The following DNM3 variants were observed in gnomAD, a reference collection of about 807,000 sequenced individuals.
DNM3 encodes dynamin 3.
A neutral mutation model predicts 101.6 loss-of-function variants in DNM3; 47 were observed. The observed-to-expected ratio is 0.46, with a 90% confidence interval of 0.37 to 0.59. DNM3 has a LOEUF of 0.59. DNM3 is among the 20% of genes least tolerant of loss of function. The pLI is 0.00. For synonymous variants in DNM3, 385 were observed against 387.9 expected (o/e 0.99, Z 0.09); for missense variants, 849 against 1,085.7 (o/e 0.78, Z 3.06).
At chr1:172,069,396 C>T (rs1172726666) in intron 11 of DNM3, among the ~76,000 whole-genome samples, 1 of 151,866 alleles carries the variant, frequency 6.6e-6, no homozygotes, top group African/African-American at 2.4e-5. Flanking sequence ...ATCCATACAA[C>T]CTATGATTGA....
At chr1:172,346,272 T>C (rs1318614788) in intron 17 of DNM3, among the ~76,000 whole-genome samples, 1 of 151,882 alleles carries the variant, frequency 6.6e-6, no homozygotes, top group Non-Finnish European at 1.5e-5. Flanking sequence ...AGTAACAGTA[T>C]AAGTAAAAAT....
intron 1 of DNM3, among the ~76,000 whole-genome samples, chr1:171,849,177 A>G (rs1444726390): frequency 1.3e-5 from 2 of 152,098 alleles, no homozygotes; most frequent in Non-Finnish European, 2.9e-5. Context: ...ATTTTTTTAG[A>G]TTTCTCAAAA....
At chr1:172,253,519 C>G in intron 14 of DNM3, 54 bp from the exon 15 acceptor site, 1 of 1,161,558 alleles carries the variant, frequency 8.6e-7, no homozygotes, top group Non-Finnish European at 1.2e-6. Flanking sequence ...CCTCTCCTCT[C>G]CTCTCCTCTC....
At position 172,163,579 on chromosome 1, in the gene DNM3, C is replaced by T. The variant is rs191120220; in HGVS notation, c.1659+32291C>T. ...GTCACCATGCTGTACAGTAGGTTTC[C>T]GGAACTTAGTTTGTTGTATTACTGA... On this transcript the variant is annotated intron_variant, in intron 14 of 20. Transcript: ENST00000627582. 5.8e-3 allele frequency among the ~76,000 whole-genome samples: 888 copies of T among 152,016 alleles called. 17 individuals carry two copies. Among genetic ancestry groups the T allele is most frequent in the African/African-American group, 0.02 (824 of 41,498 alleles).
chr1:172,061,632 G>A (rs2051216926), intron 10 of DNM3, among the ~76,000 whole-genome samples: 1 of 149,176 alleles, frequency 6.7e-6, no homozygotes, highest in South Asian at 2.1e-4. Flanking sequence ...CTCACTCATA[G>A]GTGGGAATTG....
At chr1:172,313,415 T>C (rs1394477112) in intron 16 of DNM3, among the ~76,000 whole-genome samples, 1 of 152,264 alleles carries the variant, frequency 6.6e-6, no homozygotes, top group South Asian at 2.1e-4. Context: ...TGATTTAATA[T>C]CTAAAGAACA....
chr1:172,108,769 C>T (rs1326455032), intron 13 of DNM3, among the ~76,000 whole-genome samples: 2 of 152,204 alleles, frequency 1.3e-5, no homozygotes, highest in Non-Finnish European at 2.9e-5. Context: ...AAGCTTTGCA[C>T]TGTACACTTG....
intron 12 of DNM3, among the ~76,000 whole-genome samples, chr1:172,087,843 C>T (rs1200277280): frequency 1.3e-5 from 2 of 152,156 alleles, no homozygotes; most frequent in South Asian, 2.1e-4. Context: ...TTCCAAGGCT[C>T]TCTATAATCT....
At chr1:172,179,788 AT>A (rs1247546194) in intron 14 of DNM3, among the ~76,000 whole-genome samples, 1 of 151,966 alleles carries the variant, frequency 6.6e-6, no homozygotes, top group African/African-American at 2.4e-5. Context: ...CATATCTCAC[AT>A]TTTAATCTTC....
At chr1:172,321,229 G>A (rs2065700327) in intron 16 of DNM3, among the ~76,000 whole-genome samples, 1 of 152,132 alleles carries the variant, frequency 6.6e-6, no homozygotes. Context: ...GAGAAGAAGA[G>A]GAATAGCCAC....
chr1:172,314,212 A>G (rs2065208965), intron 16 of DNM3, among the ~76,000 whole-genome samples: 1 of 152,240 alleles, frequency 6.6e-6, no homozygotes, highest in Non-Finnish European at 1.5e-5. Context: ...CCAAATGCCC[A>G]TCAACGATAG....
intron 11 of DNM3, among the ~76,000 whole-genome samples, chr1:172,076,197 A>G (rs2052632761): frequency 6.6e-6 from 1 of 152,200 alleles, no homozygotes; most frequent in African/African-American, 2.4e-5. Flanking sequence ...GTTGCTTATC[A>G]GCTTAAGGAG....
intron 17 of DNM3, chr1:172,378,285 C>G (rs1466755557): frequency 6.6e-6 from 1 of 152,076 alleles, no homozygotes; most frequent in Non-Finnish European, 1.5e-5. Context: ...CATTAATTAA[C>G]TCAAGTCTCA....
intron 2 of DNM3, among the ~76,000 whole-genome samples, chr1:171,955,802 T>G (rs1034283135): frequency 6.6e-6 from 1 of 152,132 alleles, no homozygotes; most frequent in Non-Finnish European, 1.5e-5. Flanking sequence ...TGACAAAAGA[T>G]AGAGGTTTAA....
intron 15 of DNM3, among the ~76,000 whole-genome samples, chr1:172,273,332 C>T (rs956761661): frequency 2.0e-5 from 3 of 151,820 alleles, no homozygotes; most frequent in African/African-American, 4.8e-5. Context: ...AATGAGCCAT[C>T]CTTAAACATA....
At chr1:172,316,818 T>C (rs1557984025) in intron 16 of DNM3, among the ~76,000 whole-genome samples, 1 of 152,130 alleles carries the variant, frequency 6.6e-6, no homozygotes, top group Non-Finnish European at 1.5e-5. Flanking sequence ...CTGTTAACAT[T>C]AGACAGATCA....
chr1:172,052,439 C>T (rs949222737), intron 10 of DNM3, among the ~76,000 whole-genome samples: 1 of 152,116 alleles, frequency 6.6e-6, no homozygotes, highest in Admixed American at 6.6e-5. Flanking sequence ...CACCTGCTGC[C>T]CTATTTTTCT....
At chr1:172,159,343 G>T (rs185536926) in intron 14 of DNM3, among the ~76,000 whole-genome samples, 218 of 151,998 alleles carry the variant, frequency 1.4e-3, no homozygotes, top group African/African-American at 5.0e-3. Flanking sequence ...AAATAAGTTT[G>T]TGTTTCTGCT....
chr1:172,122,680 C>G (rs745362314), intron 13 of DNM3, among the ~76,000 whole-genome samples: 12 of 152,148 alleles, frequency 7.9e-5, no homozygotes, highest in Non-Finnish European at 1.0e-4. Flanking sequence ...CATACTGTAG[C>G]CAACATCGTT....
Sources: gnomAD v4.1 joint callset for allele counts (sites outside exome capture counted in the v4.1 genomes callset) on GRCh38, gnomAD v4.1.1 for gene constraint, MANE v1.5 for transcripts, NCBI Gene and HGNC (gene_info 2026-07-23, HGNC 2026-07-21) for gene names.